VCPIP1: variants seen among roughly 807,000 people sequenced by gnomAD.
The protein encoded by VCPIP1 is deubiquitinating protein VCPIP1.
VCPIP1 carries 8 observed loss-of-function variants against 85.0 expected under a neutral mutation model. That is an observed-to-expected ratio of 0.09 (90% CI 0.06 to 0.17). The LOEUF (loss-of-function observed/expected upper bound fraction) is 0.17, where lower values mean the gene tolerates loss of function less well. Among genes scored for constraint, VCPIP1 ranks in the 10% least tolerant of loss-of-function variants. VCPIP1 has a pLI of 1.00. For missense variants in VCPIP1, 1,070 were observed against 1,486.3 expected (o/e 0.72, Z 4.61); for synonymous variants, 543 against 544.5 (o/e 1.00, Z 0.04).
rs763541267 is a variant in VCPIP1, at chr8:66,665,003, C to T, written c.1956G>A (p.Leu652=). ...CGGGATTCTTTTTGGCAGTCTGATGCAATATAGTGTGGACAACTTTCTGAA... is the reference window on the plus strand; with the variant it reads ...CGGGATTCTTTTTGGCAGTCTGATGTAATATAGTGTGGACAACTTTCTGAA... The part of the protein sequence containing the change: ...ILVQKVVHTI[L]HQTAKKNPDD... The change falls in exon 1 of 3, where the codon TTG becomes TTA. Residue 652 remains leucine, a synonymous_variant. Coordinates refer to ENST00000310421, the MANE Select transcript of VCPIP1 (RefSeq NM_025054.5). The surrounding 1 kb of genome is among the most constrained non-coding windows in gnomAD (Gnocchi z 4.3). 4.3e-6 allele frequency: 7 copies of T among 1,613,438 alleles called. No individual in the cohort carries two copies. The highest frequency in any genetic ancestry group is 8.5e-7 in the Non-Finnish European group (1 of 1,179,672).
intron 2 of VCPIP1, among the ~76,000 whole-genome samples, chr8:66,643,491 C>T (rs1810967035): frequency 6.6e-6 from 1 of 151,386 alleles, no homozygotes; most frequent in Non-Finnish European, 1.5e-5. Flanking sequence ...CTCTTAAGGC[C>T]AGGAATTCAA....
Position 66,635,281 on chromosome 8 carries a change from C to T in VCPIP1, c.2889G>A (p.Val963=), listed in dbSNP as rs964865287. The T allele has an allele frequency of 3.1e-6, 5 of 1,614,008 alleles. No homozygotes were observed. The African/African-American group carries it at 5.3e-5, about 17-fold the overall frequency. ...CAATGGGGAAATGTCCTGCAGCATC[C>T]ACACACAATTCCAGTCTATCTTCAG... ...NASEDRLELC[V]DAAGHFPIGP... is the part of the protein sequence containing the mutation. Residue 963 remains valine, a synonymous_variant, in exon 3 of 3, where the codon GTG becomes GTA. Transcript: ENST00000310421.
In VCPIP1 at chr8:66,663,149, C is replaced by T. The variant is rs374444306; in HGVS notation, c.2710+1100G>A. Reference sequence around the variant, plus strand: ...AAAGAAATATATAAAGTGCGTAGGACAGTTCCTGACATACTCCCCAATTCA... The same window carrying T: ...AAAGAAATATATAAAGTGCGTAGGATAGTTCCTGACATACTCCCCAATTCA... On this transcript the variant is annotated intron_variant, in intron 1 of 2. Transcript: ENST00000310421. Among the ~76,000 whole-genome samples the T allele has an allele frequency of 5.3e-5, 8 of 151,564 alleles. No homozygotes were observed. The East Asian group carries it at 1.2e-3, about 22-fold the overall frequency.
chr8:66,650,674 T>C (rs1050058766), intron 2 of VCPIP1, among the ~76,000 whole-genome samples: 1 of 151,816 alleles, frequency 6.6e-6, no homozygotes. Flanking sequence ...ACACAAACAT[T>C]ATCTGGTTCT....
Position 66,666,665 on chromosome 8 carries a change from C to T in VCPIP1, c.294G>A (p.Leu98=), listed in dbSNP as rs772865126. 1.9e-6 allele frequency: 3 copies of T among 1,614,234 alleles called. No homozygotes were observed. Among genetic ancestry groups the T allele is most frequent in the Non-Finnish European group, 2.5e-6 (3 of 1,180,046 alleles). ...TAACCCCGAGCAGCGCGTTCCGCAG[C>T]AGGTTGTGTAGCACTACGTCCGGGT... is the stretch of plus-strand genomic sequence containing the variant. ...VTDPDVVLHN[L]LRNALLGVTG... is the part of the protein sequence containing the mutation. The change falls in exon 1 of 3, where the codon CTG becomes CTA. Residue 98 remains leucine (L), a synonymous_variant. Coordinates refer to ENST00000310421, the MANE Select transcript of VCPIP1 (RefSeq NM_025054.5). The surrounding 1 kb of genome is among the most constrained non-coding windows in gnomAD (Gnocchi z 6.3).
chr8:66,651,687 T>A (rs1285186376), intron 1 of VCPIP1, 143 bp from the exon 2 acceptor site: 1 of 581,342 alleles, frequency 1.7e-6, no homozygotes, highest in East Asian at 2.9e-5. Flanking sequence ...AGAGGGATGA[T>A]ACTGAGTGAC....
Position 66,634,268 on chromosome 8 carries a change from A to G in VCPIP1, c.*233T>C, listed in dbSNP as rs1810862252. 2.6e-6 allele frequency: 1 copy of G among 380,048 alleles called. No homozygotes were observed. The highest frequency in any genetic ancestry group is 4.0e-5 in the East Asian group (1 of 24,862). The allele number at this position is 380,048 out of a possible 1,614,324, so 23.5% of individuals were successfully genotyped here. Reference sequence around the variant, plus strand: ...CCAATGAACCACATATATGGAAGAAAGTCATCTCAGCAGATCTAACAGCTA... The same window carrying G: ...CCAATGAACCACATATATGGAAGAAGGTCATCTCAGCAGATCTAACAGCTA... On this transcript the variant is annotated 3_prime_UTR_variant, in exon 3 of 3. Transcript: ENST00000310421.
At chr8:66,651,702 T>G (rs1209570743) in intron 1 of VCPIP1, among the ~76,000 whole-genome samples, 158 bp from the exon 2 acceptor site, 2 of 152,108 alleles carry the variant, frequency 1.3e-5, no homozygotes, top group East Asian at 3.9e-4. Context: ...AGTGACAGAT[T>G]GTGGCATACT....
At chr8:66,647,771 C>T (rs1032504483) in intron 2 of VCPIP1, among the ~76,000 whole-genome samples, 1 of 152,058 alleles carries the variant, frequency 6.6e-6, no homozygotes, top group Non-Finnish European at 1.5e-5. Context: ...GTCATCCATA[C>T]ATTAAAAAAT....
At chr8:66,658,785 C>T (rs955494905) in intron 1 of VCPIP1, among the ~76,000 whole-genome samples, 1 of 151,876 alleles carries the variant, frequency 6.6e-6, no homozygotes, top group African/African-American at 2.4e-5. Flanking sequence ...CGCACCCAGC[C>T]GATTCTGGAA....
intron 2 of VCPIP1, among the ~76,000 whole-genome samples, chr8:66,637,863 T>C (rs1007136107): frequency 1.3e-5 from 2 of 151,948 alleles, no homozygotes; most frequent in African/African-American, 4.8e-5. Context: ...TCCCAGCTAC[T>C]CGGGAGGCTG....
chr8:66,640,939 C>A (rs1365959116), intron 2 of VCPIP1, among the ~76,000 whole-genome samples: 1 of 152,204 alleles, frequency 6.6e-6, no homozygotes, highest in Admixed American at 6.5e-5. Flanking sequence ...AGGCTGTCAC[C>A]CTGACCCTTC....
intron 2 of VCPIP1, among the ~76,000 whole-genome samples, chr8:66,638,970 C>CTCTCTCTCTCTCTATA: frequency 3.4e-5 from 4 of 118,414 alleles, no homozygotes; most frequent in South Asian, 2.8e-4. Context: ...CTCTCTCTCT[C>CTCTCTCTCTCTCTATA]TATATATATA....
intron 2 of VCPIP1, among the ~76,000 whole-genome samples, chr8:66,645,771 A>AG (rs1810989457): frequency 6.6e-6 from 1 of 151,388 alleles, no homozygotes; most frequent in East Asian, 1.9e-4. Flanking sequence ...AAAAAAAAAA[A>AG]AAAAAAAAAA....
rs1281339461 is a variant in VCPIP1, at chr8:66,629,639, G to A, written c.*4862C>T. ...GAGGAGGGCAGATCACTTGAGCTCA[G>A]GGGTTCAAGACCGGCCTGGGCAACA... On this transcript the variant is annotated 3_prime_UTR_variant, in exon 3 of 3. Transcript: ENST00000310421. The A allele has an allele frequency of 6.6e-6, 1 of 152,234 alleles. No individual in the cohort carries two copies. Among genetic ancestry groups the A allele is most frequent in the Non-Finnish European group, 1.5e-5 (1 of 68,076 alleles). The allele number at this position is 152,234 out of a possible 1,614,324, so 9.4% of individuals were successfully genotyped here. A position where few individuals can be genotyped will look rare whatever the true frequency, so the allele number is the denominator to read the frequency against.
At chr8:66,636,176 C>T (rs1353623798) in intron 2 of VCPIP1, among the ~76,000 whole-genome samples, 3 of 146,050 alleles carry the variant, frequency 2.1e-5, no homozygotes, top group Non-Finnish European at 4.5e-5. Context: ...TTGCAGTGAG[C>T]CAAGATGGCG....
Position 66,665,262 on chromosome 8 carries a change from C to T in VCPIP1, c.1697G>A (p.Arg566Lys), listed in dbSNP as rs201137897. The T allele has an allele frequency of 6.2e-7, 1 of 1,614,190 alleles. No homozygotes were observed. The highest frequency in any genetic ancestry group is 1.3e-5 in the African/African-American group (1 of 75,054). ...ACAACCACATTTGCCACCAGTGGAC[C>T]TAGAATTAGTTCTGTCTCCATCCAA... ...VYLDGDRTNS[R>K]STGGKCGCGF... The change falls in exon 1 of 3, where the codon AGG becomes AAG. Residue 566 changes from arginine (R) to lysine (K), a missense_variant. This residue lies in a region of VCPIP1 where 123 missense variants were observed against 156.3 expected (regional missense o/e 0.79). Transcript: ENST00000310421. This position sits in a 1 kb window ranked among gnomAD's most constrained non-coding sequence, Gnocchi z 4.3.
chr8:66,637,313 G>A (rs545897704), intron 2 of VCPIP1, among the ~76,000 whole-genome samples: 6 of 152,032 alleles, frequency 3.9e-5, no homozygotes, highest in Non-Finnish European at 7.4e-5. Context: ...CTGAGCCACT[G>A]AACTCCAACA....
Position 66,656,667 on chromosome 8 carries a change from T to C in VCPIP1, c.2711-5123A>G, listed in dbSNP as rs575226010. On this transcript the variant is annotated intron_variant, in intron 1 of 2. Coordinates refer to ENST00000310421, the MANE Select transcript of VCPIP1 (RefSeq NM_025054.5). Reference sequence around the variant, plus strand: ...CTCTGTCGCCCAGGCTGGAGTGCAGTGGCATGATCTTGGCTCACTGCAGCC... The same window carrying C: ...CTCTGTCGCCCAGGCTGGAGTGCAGCGGCATGATCTTGGCTCACTGCAGCC... Among the ~76,000 whole-genome samples, 32 of 152,262 alleles carry C rather than the reference T, an allele frequency of 2.1e-4. 1 individual carries two copies. Among genetic ancestry groups the C allele is most frequent in the African/African-American group, 7.5e-4 (31 of 41,546 alleles).
Sources: gnomAD v4.1 joint callset for allele counts (sites outside exome capture counted in the v4.1 genomes callset) on GRCh38, gnomAD v4.1.1 for gene constraint, gnomAD v4.1.1 regional missense constraint, Gnocchi (gnomAD v3.1) non-coding constraint, MANE v1.5 for transcripts, NCBI Gene and HGNC (gene_info 2026-07-23, HGNC 2026-07-21) for gene names.